CEP112: variants seen among roughly 807,000 people sequenced by gnomAD.
CEP112 encodes the protein centrosomal protein of 112 kDa.
Under a neutral mutation model 153.0 loss-of-function variants are expected in CEP112, and 127 were observed. The ratio of observed to expected loss-of-function variants is 0.83; its 90% CI spans 0.72 to 0.96. CEP112 has a LOEUF of 0.96. Ranked by LOEUF, CEP112 falls within the 40% of genes least tolerant of loss-of-function variation. The pLI, the probability that CEP112 is intolerant of heterozygous loss-of-function variation, is 0.00. For missense variants in CEP112, 1,089 were observed against 1,101.2 expected (o/e 0.99, Z 0.16); for synonymous variants, 358 against 374.4 (o/e 0.96, Z 0.51).
chr17:66,023,333 C>A (rs561719766), intron 16 of CEP112, among the ~76,000 whole-genome samples: 139 of 152,126 alleles, frequency 9.1e-4, no homozygotes, highest in Non-Finnish European at 1.5e-3. Flanking sequence ...CATCTAGTCA[C>A]CTATTAAGAA....
Position 65,775,490 on chromosome 17 carries a change from A to T in CEP112, c.2395-24766T>A, listed in dbSNP as rs1598543981. Among the ~76,000 whole-genome samples the T allele has an allele frequency of 2.1e-5, 3 of 142,762 alleles. No homozygotes were observed. The South Asian group carries it at 6.9e-4, about 33-fold the overall frequency. The allele number at this position is 142,762 out of a possible 152,430, so 93.7% of individuals were successfully genotyped here. A position where few individuals can be genotyped will look rare whatever the true frequency, so the allele number is the denominator to read the frequency against. Reference sequence around the variant, plus strand: ...AAAATTATTTCAAAACCTAATTTTTAAAATTTTATTTTAAATTTTATTTTT... The same window carrying T: ...AAAATTATTTCAAAACCTAATTTTTTAAATTTTATTTTAAATTTTATTTTT... On this transcript the variant is annotated intron_variant, in intron 21 of 26. Coordinates refer to ENST00000535342, the MANE Select transcript of CEP112 (RefSeq NM_001199165.4).
chr17:65,907,401 A>G (rs990756467), intron 19 of CEP112, among the ~76,000 whole-genome samples: 1 of 152,224 alleles, frequency 6.6e-6, no homozygotes, highest in Non-Finnish European at 1.5e-5. Context: ...GCCAGGGCCT[A>G]TTGCTCATGA....
chr17:65,778,055 T>C (rs1238745404), intron 21 of CEP112, among the ~76,000 whole-genome samples: 1 of 152,174 alleles, frequency 6.6e-6, no homozygotes, highest in Admixed American at 6.5e-5. Context: ...TGGACCTCTA[T>C]GGTGACTGTC....
At chr17:65,642,395 G>A (rs1437787681) in intron 24 of CEP112, among the ~76,000 whole-genome samples, 1 of 152,160 alleles carries the variant, frequency 6.6e-6, no homozygotes, top group Non-Finnish European at 1.5e-5. Flanking sequence ...CAGTCTTTAA[G>A]ACCGAACTTT....
chr17:66,159,351 G>A (rs188056313), intron 4 of CEP112, among the ~76,000 whole-genome samples: 109 of 152,214 alleles, frequency 7.2e-4, no homozygotes, highest in African/African-American at 2.3e-3. Context: ...CTCATTTTAC[G>A]AGGCCAGAGT....
intron 20 of CEP112, among the ~76,000 whole-genome samples, chr17:65,874,063 T>A (rs1055894102): frequency 1.3e-5 from 2 of 152,200 alleles, no homozygotes; most frequent in African/African-American, 2.4e-5. Context: ...TATGCATATG[T>A]GTACAGATAT....
intron 20 of CEP112, among the ~76,000 whole-genome samples, chr17:65,877,580 T>C (rs1281994580): frequency 1.3e-5 from 2 of 152,178 alleles, no homozygotes; most frequent in South Asian, 2.1e-4. Flanking sequence ...AGGGACTCTA[T>C]TTCTAGAATA....
chr17:65,706,144 A>G (rs1398827269), intron 23 of CEP112, among the ~76,000 whole-genome samples: 2 of 152,240 alleles, frequency 1.3e-5, no homozygotes, highest in Non-Finnish European at 2.9e-5. Context: ...TAAAAAAGAA[A>G]CAAACATTTT....
At chr17:66,138,322 G>T (rs1259868222) in intron 4 of CEP112, among the ~76,000 whole-genome samples, 1 of 152,228 alleles carries the variant, frequency 6.6e-6, no homozygotes, top group East Asian at 1.9e-4. Flanking sequence ...TCTAGATGCA[G>T]TGATCTGGTA....
chr17:65,883,240 T>C (rs2059149317), intron 20 of CEP112, among the ~76,000 whole-genome samples: 1 of 151,242 alleles, frequency 6.6e-6, no homozygotes. Flanking sequence ...TACAAGGTAT[T>C]GCAGCTCATG....
At chr17:65,876,041 G>A (rs542121205) in intron 20 of CEP112, among the ~76,000 whole-genome samples, 1 of 151,880 alleles carries the variant, frequency 6.6e-6, no homozygotes, top group Admixed American at 6.6e-5. Context: ...TAACATTGTT[G>A]AGAATTCTCA....
chr17:65,917,668 C>T (rs2060543822), intron 19 of CEP112, among the ~76,000 whole-genome samples: 2 of 152,052 alleles, frequency 1.3e-5, no homozygotes, highest in African/African-American at 4.8e-5. Context: ...TTTGCAGATC[C>T]ACAAACTTCT....
intron 12 of CEP112, among the ~76,000 whole-genome samples, chr17:66,043,447 T>C (rs554875941): frequency 2.0e-5 from 3 of 152,210 alleles, no homozygotes; most frequent in Non-Finnish European, 2.9e-5. Context: ...TAACTCAATA[T>C]AATTTTTCTT....
intron 16 of CEP112, among the ~76,000 whole-genome samples, chr17:66,009,381 A>AT (rs1280204650): frequency 6.6e-6 from 1 of 152,080 alleles, no homozygotes; most frequent in Admixed American, 6.5e-5. Context: ...TCCTTGGCCC[A>AT]TTTTTTAAAC....
chr17:65,999,503 A>T lies in CEP112; in HGVS notation c.1736+6187T>A, dbSNP rs998813323. Reference sequence around the variant, plus strand: ...AGCGTGAGCCACCACGCCCGGCCAGAAATTACTAAATTATTTTTCCTATAT... The same window carrying T: ...AGCGTGAGCCACCACGCCCGGCCAGTAATTACTAAATTATTTTTCCTATAT... On this transcript the variant is annotated intron_variant, in intron 17 of 26. Transcript: ENST00000535342. 2.6e-4 allele frequency among the ~76,000 whole-genome samples: 40 copies of T among 152,088 alleles called. 1 individual carries two copies. Among genetic ancestry groups the T allele is most frequent in the African/African-American group, 9.4e-4 (39 of 41,398 alleles).
intron 21 of CEP112, among the ~76,000 whole-genome samples, chr17:65,754,913 C>A (rs914493579): frequency 3.9e-5 from 6 of 151,992 alleles, no homozygotes; most frequent in African/African-American, 1.5e-4. Flanking sequence ...GGGGGCGGGA[C>A]CCACTGGAGC....
chr17:66,003,642 A>T (rs751187230), intron 17 of CEP112, among the ~76,000 whole-genome samples: 47 of 152,208 alleles, frequency 3.1e-4, no homozygotes, highest in Non-Finnish European at 5.4e-4. Flanking sequence ...TATTTAAAGC[A>T]AAGGTCCCAA....
chr17:65,895,877 T>C (rs1036706373), intron 20 of CEP112, among the ~76,000 whole-genome samples: 15 of 152,046 alleles, frequency 9.9e-5, no homozygotes, highest in South Asian at 2.1e-4. Flanking sequence ...TGGTATACAA[T>C]GACTTGTGGT....
chr17:65,921,667 A>AT (rs2060732752), intron 19 of CEP112, among the ~76,000 whole-genome samples: 2 of 152,288 alleles, frequency 1.3e-5, no homozygotes, highest in South Asian at 4.1e-4. Flanking sequence ...TTCCTGTTAT[A>AT]TACTACATTT....
Sources: allele counts gnomAD v4.1 joint callset (sites outside exome capture counted in the v4.1 genomes callset), GRCh38; gene constraint gnomAD v4.1.1; transcripts MANE v1.5; gene names NCBI Gene and HGNC (gene_info 2026-07-23, HGNC 2026-07-21).